LPCAT4: variants seen among roughly 807,000 people sequenced by gnomAD.
LPCAT4 encodes lysophosphatidylcholine acyltransferase 4, also known as lysophospholipid acyltransferase LPCAT4.
In LPCAT4, 30 loss-of-function variants were observed where a neutral mutation model predicts 66.5. That is an observed-to-expected ratio of 0.45 (90% confidence interval 0.34 to 0.61). The LOEUF is 0.61. Among genes scored for constraint, LPCAT4 ranks in the 20% least tolerant of loss-of-function variants. The pLI, the probability that LPCAT4 is intolerant of heterozygous loss-of-function variation, is 0.01. For missense variants in LPCAT4, 557 were observed against 656.7 expected, an observed-to-expected ratio of 0.85 and a Z score of 1.66; for synonymous variants, 253 against 262.1, an observed-to-expected ratio of 0.97 and a Z score of 0.34.
Position 34,367,039 on chromosome 15 carries a change from G to A in LPCAT4, c.62C>T (p.Ser21Phe). 3 of 955,902 alleles carry A rather than the reference G, an allele frequency of 3.1e-6. No individual in the cohort carries two copies. Among genetic ancestry groups the A allele is most frequent in the Non-Finnish European group, 3.3e-6 (2 of 609,328 alleles). The allele number at this position is 955,902 out of a possible 1,614,324, so 59.2% of individuals were successfully genotyped here. A position where few individuals can be genotyped will look rare whatever the true frequency, so the allele number is the denominator to read the frequency against. Residue 21 changes from serine to phenylalanine, a missense_variant, in exon 1 of 14, where the codon TCC becomes TTC. Physicochemically the swap from Ser to Phe is radical, Grantham distance 155 (BLOSUM62 -2). This residue lies in a region of LPCAT4 where 94 missense variants were observed against 71.5 expected (regional missense o/e 1.32). Transcript: ENST00000314891. ...PLDPTPGPPASPNPFVHELHL... is the reference protein window; with the variant it reads ...PLDPTPGPPAFPNPFVHELHL... ...TAACTCATGCACGAAGGGGTTGGGGGATGCTGGGGGTCCGGGGGTGGGATC... is the reference window on the plus strand; with the variant it reads ...TAACTCATGCACGAAGGGGTTGGGGAATGCTGGGGGTCCGGGGGTGGGATC...
In LPCAT4 at chr15:34,358,927, A is replaced by C. The variant is rs1385319008; in HGVS notation, c.*200T>G. 1 of 231,040 alleles carries C rather than the reference A, an allele frequency of 4.3e-6. No individual in the cohort carries two copies. The highest frequency in any genetic ancestry group is 8.1e-6 in the Non-Finnish European group (1 of 123,402). The allele number at this position is 231,040 out of a possible 1,614,324, so 14.3% of individuals were successfully genotyped here. A position where few individuals can be genotyped will look rare whatever the true frequency, so the allele number is the denominator to read the frequency against. Reference sequence around the variant, plus strand: ...ATATGACTGGACTTCATTTTTTTTAATAGATATAGATATAGATTTATATTT... The same window carrying C: ...ATATGACTGGACTTCATTTTTTTTACTAGATATAGATATAGATTTATATTT... On this transcript the variant is annotated 3_prime_UTR_variant, in exon 14 of 14. Coordinates refer to ENST00000314891, the MANE Select transcript of LPCAT4 (RefSeq NM_153613.3).
At chr15:34,360,351 C>G (rs1890914229) in intron 11 of LPCAT4, 142 bp from the exon 12 acceptor site, 6 of 645,134 alleles carry the variant, frequency 9.3e-6, no homozygotes, top group Non-Finnish European at 1.6e-5. Context: ...GCTCCAAACT[C>G]TTTAGGATCC....
chr15:34,359,938 G>T (rs1197688667), intron 12 of LPCAT4, 173 bp downstream of exon 12: 13 of 805,602 alleles, frequency 1.6e-5, no homozygotes, highest in Non-Finnish European at 2.4e-5. Flanking sequence ...CTTGTGCCCA[G>T]CTAGGTCTCA....
At chr15:34,362,907 C>G (rs1243612285) in intron 7 of LPCAT4, 71 bp from the exon 8 acceptor site, 6 of 1,478,940 alleles carry the variant, frequency 4.1e-6, no homozygotes, top group South Asian at 3.5e-5. Context: ...CCACACCCCA[C>G]TCCCCTTCCC....
rs1338508418 is a variant in LPCAT4 at position 34,364,353 on chromosome 15, G to A, written c.479-47C>T. 2.4e-6 allele frequency: 3 copies of A among 1,238,954 alleles called. No homozygotes were observed. In the African/African-American group the frequency reaches 4.5e-5, roughly 18 times the overall value. 76.7% of individuals were successfully genotyped at this position (1,238,954 alleles called of 1,614,324 possible). ...AGAGGAATCACTTCTTTCCTACCCA[G>A]GGGCAGTAACATCTGCAGCCTCCAC... On this transcript the variant is annotated intron_variant, in intron 3 of 13. Transcript: ENST00000314891.
chr15:34,365,447 C>T, intron 2 of LPCAT4, 112 bp downstream of exon 2: 1 of 1,476,268 alleles, frequency 6.8e-7, no homozygotes, highest in Non-Finnish European at 9.3e-7. Context: ...TCTCATCTAC[C>T]CAAGCTAGAC....
At position 34,362,610 on chromosome 15, in the gene LPCAT4, T is replaced by TG; in HGVS notation, c.846dup (p.Thr283HisfsTer23). The TG allele has an allele frequency of 4.5e-6, 7 of 1,568,658 alleles. No homozygotes were observed. The highest frequency in any genetic ancestry group is 6.1e-6 in the Non-Finnish European group (7 of 1,156,650). On this transcript the variant is annotated frameshift_variant, in exon 9 of 14. Coordinates refer to ENST00000314891, the MANE Select transcript of LPCAT4 (RefSeq NM_153613.3). LOFTEE classifies it high-confidence loss of function. ...CTCTGAACATTGTTGGCATAGAGGG[T>TG]GGGGTCCCTGCTCTCCTCAGGGCTG...
chr15:34,360,077 C>T lies in LPCAT4; in HGVS notation c.1242+34G>A, dbSNP rs372684379. On this transcript the variant is annotated intron_variant, in intron 12 of 13. Transcript: ENST00000314891. Reference sequence around the variant, plus strand: ...TCCTGGAGCGGGGTGAGCATAGCCACTAAGCACCCCCCACCACCGCCACCC... The same window carrying T: ...TCCTGGAGCGGGGTGAGCATAGCCATTAAGCACCCCCCACCACCGCCACCC... The T allele has an allele frequency of 7.1e-4, 1,094 of 1,536,630 alleles. 1 individual carries two copies. Among genetic ancestry groups the T allele is most frequent in the Non-Finnish European group, 8.8e-4 (983 of 1,111,976 alleles).
Position 34,360,100 on chromosome 15 carries a change from C to T in LPCAT4, c.1242+11G>A. On this transcript the variant is annotated intron_variant, in intron 12 of 13. Coordinates refer to ENST00000314891, the MANE Select transcript of LPCAT4 (RefSeq NM_153613.3). Reference sequence around the variant, plus strand: ...CACTAAGCACCCCCCACCACCGCCACCCCCCATTACCTCAAAGGCCAGACG... The same window carrying T: ...CACTAAGCACCCCCCACCACCGCCATCCCCCATTACCTCAAAGGCCAGACG... 2.5e-6 allele frequency: 4 copies of T among 1,578,092 alleles called. No homozygotes were observed. Among genetic ancestry groups the T allele is most frequent in the Admixed American group, 1.7e-5 (1 of 59,250 alleles).
In LPCAT4 at chr15:34,365,689, C is replaced by G. The variant is rs1197129905; in HGVS notation, c.127G>C (p.Gly43Arg). 6.2e-7 allele frequency: 1 copy of G among 1,613,866 alleles called. No homozygotes were observed. Among genetic ancestry groups the G allele is most frequent in the South Asian group, 1.1e-5 (1 of 91,060 alleles). The change falls in exon 2 of 14, where the codon GGG becomes CGG. Residue 43 changes from glycine to arginine, a missense_variant. Gly to Arg is a moderately radical substitution (Grantham distance 125, BLOSUM62 -2). Around this residue, in one of 4 missense-constraint regions of LPCAT4, gnomAD observed 94 missense variants for 71.5 expected, o/e 1.32. Transcript: ENST00000314891. Reference sequence around the variant, plus strand: ...ACTCGGATGGGGGCCAGCAATGCCCCCAGGAGGCAGAACTGCAAAGGGTGG... The same window carrying G: ...ACTCGGATGGGGGCCAGCAATGCCCGCAGGAGGCAGAACTGCAAAGGGTGG... ...RLQRVKFCLL[G>R]ALLAPIRVLL... is the part of the protein sequence containing the mutation.
In LPCAT4 at chr15:34,363,833, T is replaced by C; in HGVS notation, c.653-114A>G. ...GTTCTCAAATGAGATATGGTTTTGT[T>C]CCACTCATTGATAATTTTCTCTCTG... On this transcript the variant is annotated intron_variant, in intron 5 of 13. Transcript: ENST00000314891. This position sits in a 1 kb window ranked among gnomAD's most constrained non-coding sequence, Gnocchi z 4.3. 7.2e-7 allele frequency: 1 copy of C among 1,391,128 alleles called. No homozygotes were observed. The allele number at this position is 1,391,128 out of a possible 1,614,324, so 86.2% of individuals were successfully genotyped here.
chr15:34,359,600 C>T lies in LPCAT4; in HGVS notation c.1388G>A (p.Gly463Asp). The T allele has an allele frequency of 6.2e-7, 1 of 1,612,286 alleles. No individual in the cohort carries two copies. The highest frequency in any genetic ancestry group is 8.5e-7 in the Non-Finnish European group (1 of 1,179,824). Residue 463 changes from glycine to aspartate, a missense_variant, in exon 13 of 14, where the codon GGC becomes GAC. Physicochemically the swap from Gly to Asp is moderately conservative, Grantham distance 94. This residue lies in a region of LPCAT4 where 392 missense variants were observed against 473.9 expected (regional missense o/e 0.83). Coordinates refer to ENST00000314891, the MANE Select transcript of LPCAT4 (RefSeq NM_153613.3). Reference protein sequence around the residue: ...AELCQAGSSQGLSLCQFQNFS... With the variant: ...AELCQAGSSQDLSLCQFQNFS... The stretch of plus-strand genomic sequence containing the variant: ...AGGCAGTGACTCACAGAGGGAGAGG[C>T]CTTGGCTGGATCCTGCCTGGCACAG...
chr15:34,365,739 G>C (rs988825113), intron 1 of LPCAT4, 38 bp from the exon 2 acceptor site: 3 of 1,608,240 alleles, frequency 1.9e-6, no homozygotes, highest in Non-Finnish European at 2.5e-6. Flanking sequence ...TTAGAGCTTG[G>C]ATATGCTCCC....
intron 13 of LPCAT4, 127 bp from the exon 14 acceptor site, chr15:34,359,429 G>A (rs1884694491): frequency 2.3e-6 from 3 of 1,319,748 alleles, no homozygotes; most frequent in African/African-American, 1.5e-5. Context: ...CCAGGTTCAG[G>A]TCCTCTCTTC....
intron 12 of LPCAT4, 58 bp from the exon 13 acceptor site, chr15:34,359,803 C>T: frequency 1.3e-6 from 2 of 1,524,292 alleles, no homozygotes; most frequent in Non-Finnish European, 8.9e-7. Context: ...CCTCACCCTG[C>T]CCCACAGACT....
chr15:34,364,225 C>T lies in LPCAT4; in HGVS notation c.560G>A (p.Arg187Lys). 1 of 1,613,908 alleles carries T rather than the reference C, an allele frequency of 6.2e-7. No homozygotes were observed. The highest frequency in any genetic ancestry group is 1.1e-5 in the South Asian group (1 of 91,082). Residue 187 changes from arginine (R) to lysine (K), a missense_variant, in exon 4 of 14, where the codon AGG (arginine) becomes AAG (lysine). By Grantham distance (26) the Arg-to-Lys change is conservative. This residue lies in a region of LPCAT4 where 392 missense variants were observed against 473.9 expected (regional missense o/e 0.83). Coordinates refer to ENST00000314891, the MANE Select transcript of LPCAT4 (RefSeq NM_153613.3). ...CCACTTGCCTCCTGAGGTGGCCCGC[C>T]TTCGGACCTCCTCCACCACTCTGCG... is the stretch of plus-strand genomic sequence containing the variant. ...SRRRVVEEVR[R>K]RATSGGKWPQ... is the part of the protein sequence containing the mutation.
At position 34,359,474 on chromosome 15, in the gene LPCAT4, T is replaced by C. The variant is rs1412486083; in HGVS notation, c.1399+115A>G. 6 of 1,396,916 alleles carry C rather than the reference T, an allele frequency of 4.3e-6. No homozygotes were observed. In the African/African-American group the frequency reaches 4.3e-5, roughly 10 times the overall value. The allele number at this position is 1,396,916 out of a possible 1,614,324, so 86.5% of individuals were successfully genotyped here. ...CTGTTCCTCCCAGCCTTACTTCTCATAGGTTCTGATCTCCAGCACTGGCCA... is the reference window on the plus strand; with the variant it reads ...CTGTTCCTCCCAGCCTTACTTCTCACAGGTTCTGATCTCCAGCACTGGCCA... On this transcript the variant is annotated intron_variant, in intron 13 of 13. Coordinates refer to ENST00000314891, the MANE Select transcript of LPCAT4 (RefSeq NM_153613.3).
intron 1 of LPCAT4, 86 bp downstream of exon 1, chr15:34,366,901 T>TC (rs1404200340): frequency 1.1e-5 from 16 of 1,515,212 alleles, no homozygotes; most frequent in Non-Finnish European, 1.3e-5. Flanking sequence ...TTCTCGTGGA[T>TC]CCCCAAGCCC....
intron 1 of LPCAT4, among the ~76,000 whole-genome samples, chr15:34,366,177 GACCCGA>G (rs1891072068): frequency 6.6e-6 from 1 of 152,184 alleles, no homozygotes; most frequent in South Asian, 2.1e-4. Context: ...CCAGTTTTCA[GACCCGA>G]GGTCATTTTC....
Sources: allele counts gnomAD v4.1 joint callset (sites outside exome capture counted in the v4.1 genomes callset), GRCh38; gene constraint gnomAD v4.1.1; regional missense constraint gnomAD v4.1.1; non-coding constraint Gnocchi (gnomAD v3.1); transcripts MANE v1.5; gene names NCBI Gene and HGNC (gene_info 2026-07-23, HGNC 2026-07-21).